Variants in GRAP2 observed in about 807,000 individuals in gnomAD.
GRAP2 encodes the protein GRB2-related adapter protein 2.
In GRAP2, 31 loss-of-function variants were observed where a neutral mutation model predicts 43.5. That is an observed-to-expected ratio of 0.71 (90% confidence interval 0.54 to 0.96). GRAP2 has a LOEUF of 0.96. Ranked by LOEUF, GRAP2 falls within the 40% of genes least tolerant of loss-of-function variation. The pLI is 0.00. For missense variants in GRAP2, 371 were observed against 424.4 expected, an observed-to-expected ratio of 0.87 and a Z score of 1.11; for synonymous variants, 156 against 164.8, an observed-to-expected ratio of 0.95 and a Z score of 0.41.
At chr22:39,945,231 C>T (rs978318833) in intron 1 of GRAP2, among the ~76,000 whole-genome samples, 1 of 152,150 alleles carries the variant, frequency 6.6e-6, no homozygotes, top group East Asian at 1.9e-4. Flanking sequence ...TTTGGGAGTA[C>T]GTTTTGACTC....
intron 1 of GRAP2, among the ~76,000 whole-genome samples, chr22:39,932,176 T>C (rs1216474223): frequency 6.6e-6 from 1 of 152,206 alleles, no homozygotes; most frequent in Non-Finnish European, 1.5e-5. Context: ...AACGAGTCCT[T>C]GCTATTCTTC....
intron 1 of GRAP2, among the ~76,000 whole-genome samples, chr22:39,906,557 A>C (rs1472370379): frequency 6.6e-6 from 1 of 152,236 alleles, no homozygotes; most frequent in Non-Finnish European, 1.5e-5. Flanking sequence ...AAGAAAAAAA[A>C]AATCCAGCAT....
chr22:39,969,377 G>T (rs1480019730), intron 6 of GRAP2, 34 bp from the exon 7 acceptor site: 2 of 1,612,190 alleles, frequency 1.2e-6, no homozygotes, highest in African/African-American at 1.3e-5. Context: ...TGTCCTGGCA[G>T]TGGGGTGACC....
intron 1 of GRAP2, among the ~76,000 whole-genome samples, chr22:39,909,048 T>C (rs1163912008): frequency 1.3e-5 from 2 of 152,218 alleles, no homozygotes; most frequent in African/African-American, 4.8e-5. Context: ...CAAGAGACTT[T>C]TGAAGATTCA....
intron 4 of GRAP2, among the ~76,000 whole-genome samples, chr22:39,965,116 G>A (rs528404700): frequency 2.6e-5 from 4 of 152,290 alleles, no homozygotes; most frequent in South Asian, 4.1e-4. Context: ...TTCACAGGGC[G>A]CAGTGCCTCA....
chr22:39,943,041 G>A (rs888169823), intron 1 of GRAP2, among the ~76,000 whole-genome samples: 3 of 152,142 alleles, frequency 2.0e-5, no homozygotes, highest in Non-Finnish European at 4.4e-5. Context: ...ATAGCTTTGT[G>A]GTGTTATGCA....
At chr22:39,947,527 A>G (rs2066936665) in intron 2 of GRAP2, 1 of 270,158 alleles carries the variant, frequency 3.7e-6, no homozygotes, top group Non-Finnish European at 7.2e-6. Flanking sequence ...GAGTGTGTGC[A>G]ATGTGAACGT....
intron 1 of GRAP2, among the ~76,000 whole-genome samples, chr22:39,930,351 T>C (rs2066744577): frequency 6.6e-6 from 1 of 152,228 alleles, no homozygotes; most frequent in Non-Finnish European, 1.5e-5. Context: ...GGCTCCACCA[T>C]TTTTTGATAC....
rs986370358 is a variant in GRAP2, at chr22:39,971,147, A to T, written c.*63A>T. On this transcript the variant is annotated 3_prime_UTR_variant, in exon 8 of 8. Transcript: ENST00000344138. ...CCACAAGAAAGAGGGCAAGGAAAAA[A>T]GGCTGGACTCCATGACTATATATAC... 28 of 1,291,030 alleles carry T rather than the reference A, an allele frequency of 2.2e-5. No homozygotes were observed. In the South Asian group the frequency reaches 3.2e-4, roughly 15 times the overall value. The allele number at this position is 1,291,030 out of a possible 1,614,324, so 80.0% of individuals were successfully genotyped here. A position where few individuals can be genotyped will look rare whatever the true frequency, so the allele number is the denominator to read the frequency against.
intron 2 of GRAP2, among the ~76,000 whole-genome samples, chr22:39,952,172 A>G (rs996163989): frequency 6.6e-6 from 1 of 151,982 alleles, no homozygotes; most frequent in African/African-American, 2.4e-5. Flanking sequence ...GATTACAGGC[A>G]TGCACCACCA....
chr22:39,970,790 G>A, intron 7 of GRAP2, 115 bp from the exon 8 acceptor site: 1 of 960,486 alleles, frequency 1.0e-6, no homozygotes, highest in Non-Finnish European at 1.5e-6. Context: ...AGAGGGGTCA[G>A]CCTTCAGGGA....
intron 1 of GRAP2, among the ~76,000 whole-genome samples, chr22:39,942,259 T>G (rs904798085): frequency 3.3e-5 from 5 of 152,158 alleles, no homozygotes; most frequent in African/African-American, 1.2e-4. Flanking sequence ...AAGCTGACCT[T>G]GTCAATTCGA....
intron 4 of GRAP2, among the ~76,000 whole-genome samples, chr22:39,963,172 C>T (rs760845085): frequency 2.6e-5 from 4 of 152,160 alleles, no homozygotes; most frequent in Non-Finnish European, 4.4e-5. Context: ...TTACATCTGT[C>T]ATGGGCACAG....
chr22:39,959,922 C>A, intron 3 of GRAP2, 133 bp from the exon 4 acceptor site: 1 of 750,852 alleles, frequency 1.3e-6, no homozygotes, highest in Admixed American at 2.2e-5. Context: ...TTTCAAACAG[C>A]ACCTGGTCTC....
At chr22:39,952,017 T>TG (rs1172904162) in intron 2 of GRAP2, among the ~76,000 whole-genome samples, 2 of 148,628 alleles carry the variant, frequency 1.3e-5, no homozygotes, top group African/African-American at 5.0e-5. Flanking sequence ...ACAAAGTGTG[T>TG]GGTTTTTTTT....
chr22:39,962,378 T>C (rs2067128457), intron 4 of GRAP2, among the ~76,000 whole-genome samples: 1 of 152,132 alleles, frequency 6.6e-6, no homozygotes, highest in African/African-American at 2.4e-5. Flanking sequence ...CCAAGATCGA[T>C]CGCACCACTG....
chr22:39,962,546 T>C (rs1170046740), intron 4 of GRAP2, among the ~76,000 whole-genome samples: 2 of 152,198 alleles, frequency 1.3e-5, no homozygotes, highest in Admixed American at 6.5e-5. Context: ...CCTCCCCTCT[T>C]TACCCCATCA....
intron 1 of GRAP2, among the ~76,000 whole-genome samples, chr22:39,924,711 A>G (rs1427009292): frequency 6.6e-6 from 1 of 152,186 alleles, no homozygotes; most frequent in African/African-American, 2.4e-5. Context: ...CAAAAAAAAA[A>G]AGAAGTGACA....
intron 3 of GRAP2, among the ~76,000 whole-genome samples, chr22:39,958,574 C>A (rs1184635651): frequency 6.6e-6 from 1 of 152,096 alleles, no homozygotes; most frequent in African/African-American, 2.4e-5. Context: ...AATGAACGAA[C>A]GAATATGTAT....
Sources: allele counts gnomAD v4.1 joint callset (sites outside exome capture counted in the v4.1 genomes callset), GRCh38; gene constraint gnomAD v4.1.1; transcripts MANE v1.5; gene names NCBI Gene and HGNC (gene_info 2026-07-23, HGNC 2026-07-21).